The following SGK3 variants were observed in gnomAD, a reference collection of about 807,000 sequenced individuals.
SGK3 encodes serum/glucocorticoid regulated kinase family member 3, also known as serine/threonine-protein kinase Sgk3.
In SGK3, 47 loss-of-function variants were observed where a neutral mutation model predicts 68.5. The ratio of observed to expected loss-of-function variants is 0.69; its 90% confidence interval spans 0.54 to 0.87. The LOEUF (loss-of-function observed/expected upper bound fraction) is 0.87, where lower values mean the gene tolerates loss of function less well. SGK3 is among the 40% of genes least tolerant of loss of function. The pLI, the probability that SGK3 is intolerant of heterozygous loss-of-function variation, is 0.00. For missense variants in SGK3, 479 were observed against 575.5 expected (o/e 0.83, Z 1.72); for synonymous variants, 181 against 189.1 (o/e 0.96, Z 0.35).
intron 2 of SGK3, among the ~76,000 whole-genome samples, chr8:66,796,188 G>A (rs1298684656): frequency 1.3e-5 from 2 of 151,804 alleles, no homozygotes; most frequent in African/African-American, 4.8e-5. Flanking sequence ...CCAGGCTGGA[G>A]TGCAGTGGTG....
chr8:66,849,593 A>ATT lies in SGK3; in HGVS notation c.1231-1219_1231-1218dup, dbSNP rs755457958. Among the ~76,000 whole-genome samples, 577 of 122,798 alleles carry ATT rather than the reference A, an allele frequency of 4.7e-3. 5 individuals carry two copies. The highest frequency in any genetic ancestry group is 0.015 in the African/African-American group (510 of 33,872). 80.6% of individuals were successfully genotyped at this position (122,798 alleles called of 152,430 possible). On this transcript the variant is annotated intron_variant, in intron 15 of 16. Coordinates refer to ENST00000521198, the MANE Select transcript of SGK3 (RefSeq NM_001033578.3). Reference sequence around the variant, plus strand: ...AGCCAGGGTGATGTTTTGGGGGAATATTTTTTTTTTTTTTTTTTTTGAGAC... The same window carrying ATT: ...AGCCAGGGTGATGTTTTGGGGGAATATTTTTTTTTTTTTTTTTTTTTTGAGAC...
intron 7 of SGK3, 76 bp from the exon 8 acceptor site, chr8:66,831,178 G>T: frequency 6.5e-7 from 1 of 1,530,452 alleles, no homozygotes. Context: ...TTTTAAAGAG[G>T]GAGGTGCTAA....
intron 6 of SGK3, among the ~76,000 whole-genome samples, chr8:66,823,011 AAAAAG>A (rs199819754): frequency 0.022 from 3,293 of 152,296 alleles, 130 homozygotes; most frequent in African/African-American, 0.075. Context: ...GAAAATAGGT[AAAAAG>A]AAAAGTATTA....
intron 1 of SGK3, among the ~76,000 whole-genome samples, chr8:66,730,879 GT>G (rs1805131112): frequency 6.6e-6 from 1 of 151,658 alleles, no homozygotes; most frequent in Non-Finnish European, 1.5e-5. Flanking sequence ...TAGAGATGGG[GT>G]TTTGCCATAT....
intron 1 of SGK3, among the ~76,000 whole-genome samples, chr8:66,738,663 T>A (rs886202460): frequency 1.4e-4 from 21 of 152,076 alleles, no homozygotes; most frequent in Non-Finnish European, 2.1e-4. Context: ...AGTCTTGCTC[T>A]GTCACCCAAG....
intron 16 of SGK3, among the ~76,000 whole-genome samples, chr8:66,856,300 C>G (rs181703218): frequency 6.6e-6 from 1 of 152,246 alleles, no homozygotes; most frequent in Non-Finnish European, 1.5e-5. Flanking sequence ...ACCTCCTGAC[C>G]TTGTGATCCG....
intron 1 of SGK3, among the ~76,000 whole-genome samples, chr8:66,722,946 A>T (rs1804838171): frequency 6.6e-6 from 1 of 151,454 alleles, no homozygotes; most frequent in Admixed American, 6.6e-5. Context: ...GCCATGAGGG[A>T]TCTGCCCCAT....
intron 1 of SGK3, among the ~76,000 whole-genome samples, chr8:66,755,614 T>TCC (rs61152552): frequency 6.6e-6 from 1 of 151,918 alleles, no homozygotes; most frequent in Non-Finnish European, 1.5e-5. Flanking sequence ...TCTCTGAAAC[T>TCC]CCCCCATTTT....
intron 7 of SGK3, 62 bp downstream of exon 7, chr8:66,828,765 T>C: frequency 4.5e-6 from 7 of 1,570,808 alleles, no homozygotes; most frequent in Middle Eastern, 3.3e-4. Flanking sequence ...TTTTTGAGCG[T>C]ATGCAGATAT....
rs554320148 is a variant in SGK3, at chr8:66,745,579, A to AAAAAC, written c.-122+32761_-122+32765dup. Reference sequence around the variant, plus strand: ...ACAGAGAGAGACTGTCTCAAAAAACAAAAACAAAACAAAACAAAAAAACAA... The same window carrying AAAAAC: ...ACAGAGAGAGACTGTCTCAAAAAACAAAAACAAAACAAAACAAAACAAAAAAACAA... On this transcript the variant is annotated intron_variant, in intron 1 of 16. Transcript: ENST00000521198. Among the ~76,000 whole-genome samples, 419 of 147,644 alleles carry AAAAAC rather than the reference A, an allele frequency of 2.8e-3. 1 individual carries two copies. Among genetic ancestry groups the AAAAAC allele is most frequent in the Non-Finnish European group, 4.6e-3 (312 of 67,942 alleles).
intron 4 of SGK3, among the ~76,000 whole-genome samples, chr8:66,808,902 C>A (rs895844010): frequency 3.4e-5 from 5 of 147,096 alleles, no homozygotes; most frequent in African/African-American, 1.3e-4. Flanking sequence ...AGAGGCTCTC[C>A]CTTGTTGCTC....
intron 14 of SGK3, among the ~76,000 whole-genome samples, chr8:66,846,510 C>T (rs899332913): frequency 6.6e-6 from 1 of 152,146 alleles, no homozygotes; most frequent in Non-Finnish European, 1.5e-5. Context: ...GAGACGGTTT[C>T]ACCATGTTGC....
At chr8:66,778,810 G>T (rs1054406756) in intron 1 of SGK3, among the ~76,000 whole-genome samples, 1 of 152,144 alleles carries the variant, frequency 6.6e-6, no homozygotes, top group Non-Finnish European at 1.5e-5. Context: ...TGTCCAATAC[G>T]CATGTAGATG....
intron 1 of SGK3, among the ~76,000 whole-genome samples, chr8:66,736,758 T>TA (rs1244713466): frequency 6.6e-6 from 1 of 152,000 alleles, no homozygotes; most frequent in Non-Finnish European, 1.5e-5. Context: ...TGACTGGGAT[T>TA]ATAGGTGTGT....
At position 66,859,442 on chromosome 8, in the gene SGK3, C is replaced by T. The variant is rs1292636986; in HGVS notation, c.1352C>T (p.Thr451Ile). The change falls in exon 17 of 17, where the codon ACA (threonine) becomes ATA (isoleucine). Residue 451 changes from threonine (T) to isoleucine (I), a missense_variant. Physicochemically the swap from Thr to Ile is moderately conservative, Grantham distance 89. Coordinates refer to ENST00000521198, the MANE Select transcript of SGK3 (RefSeq NM_001033578.3). Reference protein sequence around the residue: ...AGPDDIRNFDTAFTEETVPYS... With the variant: ...AGPDDIRNFDIAFTEETVPYS... ...CCAGATGATATCAGAAACTTTGACA[C>T]AGCATTTACAGAAGAAACAGTTCCA... 6.2e-7 allele frequency: 1 copy of T among 1,609,270 alleles called. No individual in the cohort carries two copies. The highest frequency in any genetic ancestry group is 1.1e-5 in the South Asian group (1 of 90,368).
chr8:66,796,176 C>T (rs1234810091), intron 2 of SGK3, among the ~76,000 whole-genome samples: 1 of 151,604 alleles, frequency 6.6e-6, no homozygotes, highest in African/African-American at 2.4e-5. Flanking sequence ...CTCGCTCTGT[C>T]GCCAGGCTGG....
In SGK3 at chr8:66,861,496, A is replaced by G. The variant is rs1810743438; in HGVS notation, c.*1915A>G. ...TACAGAAGAACTTTAAAAAATAAAA[A>G]ATAAGCTTACCTTGGATTCTTGGCT... On this transcript the variant is annotated 3_prime_UTR_variant, in exon 17 of 17. Transcript: ENST00000521198. 6.6e-6 allele frequency: 1 copy of G among 152,180 alleles called. No individual in the cohort carries two copies. Among genetic ancestry groups the G allele is most frequent in the South Asian group, 2.1e-4 (1 of 4,834 alleles). 9.4% of individuals were successfully genotyped at this position (152,180 alleles called of 1,614,324 possible).
At chr8:66,850,269 T>A (rs1048607534) in intron 15 of SGK3, among the ~76,000 whole-genome samples, 1 of 152,228 alleles carries the variant, frequency 6.6e-6, no homozygotes, top group African/African-American at 2.4e-5. Context: ...CAAATTAGGT[T>A]GGATCCTACT....
chr8:66,845,932 CAA>C (rs1374443760), intron 14 of SGK3, among the ~76,000 whole-genome samples: 1 of 151,518 alleles, frequency 6.6e-6, no homozygotes, highest in African/African-American at 2.4e-5. Context: ...GTAATTTTCA[CAA>C]AAAGAGACTG....
Sources: gnomAD v4.1 joint callset for allele counts (sites outside exome capture counted in the v4.1 genomes callset) on GRCh38, gnomAD v4.1.1 for gene constraint, MANE v1.5 for transcripts, NCBI Gene and HGNC (gene_info 2026-07-23, HGNC 2026-07-21) for gene names.